Variants in DNAJB6 observed in about 807,000 individuals in gnomAD.
DNAJB6 encodes DnaJ heat shock protein family (Hsp40) member B6.
A neutral mutation model predicts 42.7 loss-of-function variants in DNAJB6; 16 were observed. The observed-to-expected ratio is 0.37, with a 90% CI of 0.25 to 0.57. The LOEUF is 0.57. Among genes scored for constraint, DNAJB6 ranks in the 20% least tolerant of loss-of-function variants. DNAJB6 has a pLI of 0.74. For missense variants in DNAJB6, 347 were observed against 416.8 expected (o/e 0.83, Z 1.46); for synonymous variants, 170 against 163.5 (o/e 1.04, Z -0.30).
chr7:157,350,888 T>C (rs1209174297), intron 1 of DNAJB6, among the ~76,000 whole-genome samples: 1 of 151,608 alleles, frequency 6.6e-6, no homozygotes, highest in East Asian at 1.9e-4. Flanking sequence ...TCTGAGATTC[T>C]GTGGTAGCAT....
At chr7:157,364,164 C>T (rs917073644) in intron 3 of DNAJB6, among the ~76,000 whole-genome samples, 1 of 151,758 alleles carries the variant, frequency 6.6e-6, no homozygotes, top group East Asian at 1.9e-4. Flanking sequence ...GAGATTGCGC[C>T]ACTGCACTCC....
Position 157,358,618 on chromosome 7 carries a change from C to G in DNAJB6, c.46C>G (p.Pro16Ala), listed in dbSNP as rs1403540742. ...TCTAGGCGTGCAGAGACATGCCTCA[C>G]CCGAGGATATTAAAAAGGCGTAAGT... ...EVLGVQRHAS[P>A]EDIKKAYRKL... The change falls in exon 2 of 10, where the codon CCC becomes GCC. Residue 16 changes from proline to alanine, a missense_variant. Physicochemically the swap from Pro to Ala is conservative, Grantham distance 27. Around this residue, in one of 3 missense-constraint regions of DNAJB6, gnomAD observed 78 missense variants for 102.1 expected, o/e 0.76. Coordinates refer to ENST00000262177, the MANE Select transcript of DNAJB6 (RefSeq NM_058246.4). 3 of 1,613,270 alleles carry G rather than the reference C, an allele frequency of 1.9e-6. No individual in the cohort carries two copies. The highest frequency in any genetic ancestry group is 2.2e-5 in the South Asian group (2 of 91,060).
chr7:157,403,105 C>T (rs148272303), intron 8 of DNAJB6, among the ~76,000 whole-genome samples: 32 of 152,304 alleles, frequency 2.1e-4, no homozygotes, highest in African/African-American at 7.0e-4. Context: ...AAAGGTGGGA[C>T]AGCTGGACGT....
intron 3 of DNAJB6, among the ~76,000 whole-genome samples, chr7:157,364,960 T>C (rs1286879438): frequency 1.3e-5 from 2 of 152,232 alleles, no homozygotes; most frequent in African/African-American, 4.8e-5. Context: ...TCTTCTACTT[T>C]TTAAAAATTG....
chr7:157,351,666 A>G (rs1367276772), intron 1 of DNAJB6, among the ~76,000 whole-genome samples: 1 of 151,058 alleles, frequency 6.6e-6, no homozygotes, highest in Non-Finnish European at 1.5e-5. Context: ...AACAACAAAA[A>G]AAACCACAAA....
chr7:157,361,427 G>A (rs1392129348), intron 2 of DNAJB6, among the ~76,000 whole-genome samples: 1 of 152,164 alleles, frequency 6.6e-6, no homozygotes, highest in Admixed American at 6.5e-5. Flanking sequence ...AAAGTGCTGA[G>A]ATTACAGGCA....
chr7:157,353,929 G>A (rs1212169848), intron 1 of DNAJB6, among the ~76,000 whole-genome samples: 1 of 152,100 alleles, frequency 6.6e-6, no homozygotes, highest in Non-Finnish European at 1.5e-5. Flanking sequence ...CTCCCAAAGT[G>A]CTGGAATTAT....
intron 1 of DNAJB6, chr7:157,339,698 C>T (rs1222274946): frequency 1.3e-5 from 2 of 150,762 alleles, no homozygotes; most frequent in East Asian, 4.0e-4. Flanking sequence ...ACCATCTTGG[C>T]TCACTGCAAC....
At chr7:157,408,761 C>T (rs763502457) in intron 8 of DNAJB6, among the ~76,000 whole-genome samples, 2 of 152,236 alleles carry the variant, frequency 1.3e-5, no homozygotes, top group Non-Finnish European at 2.9e-5. Flanking sequence ...TCTGTCAGTC[C>T]GTTGGGTTTC....
At chr7:157,395,919 G>A (rs1801562260) in intron 8 of DNAJB6, among the ~76,000 whole-genome samples, 1 of 145,356 alleles carries the variant, frequency 6.9e-6, no homozygotes, top group Admixed American at 6.9e-5. Context: ...GCCTCCCAAA[G>A]TGCTGGGATT....
intron 1 of DNAJB6, among the ~76,000 whole-genome samples, chr7:157,350,974 G>T: frequency 7.2e-6 from 1 of 139,016 alleles, no homozygotes; most frequent in African/African-American, 2.7e-5. Context: ...CGCTCTTGTT[G>T]GCCAGGCTGG....
intron 8 of DNAJB6, among the ~76,000 whole-genome samples, chr7:157,404,486 G>C (rs1460445590): frequency 2.6e-5 from 2 of 76,070 alleles, no homozygotes; most frequent in Non-Finnish European, 5.2e-5. Context: ...TTTTTTTTTT[G>C]ATAGAGATGG....
At chr7:157,361,162 T>A (rs759144006) in intron 2 of DNAJB6, among the ~76,000 whole-genome samples, 120 of 60,312 alleles carry the variant, frequency 2.0e-3, no homozygotes, top group Non-Finnish European at 3.2e-3. Context: ...CTGCTACACG[T>A]TTTTTTTTTT....
intron 1 of DNAJB6, among the ~76,000 whole-genome samples, chr7:157,357,994 C>CA (rs1047048409): frequency 1.3e-5 from 2 of 152,268 alleles, no homozygotes; most frequent in African/African-American, 4.8e-5. Context: ...GCTGTGTAGT[C>CA]AAAGGTCTTT....
intron 1 of DNAJB6, among the ~76,000 whole-genome samples, chr7:157,356,642 C>T (rs934093035): frequency 3.9e-5 from 6 of 152,168 alleles, no homozygotes; most frequent in Non-Finnish European, 8.8e-5. Flanking sequence ...CCCTTAGGCA[C>T]ATTCTCCAAT....
intron 1 of DNAJB6, among the ~76,000 whole-genome samples, chr7:157,353,684 G>C (rs1335097968): frequency 2.0e-5 from 3 of 151,718 alleles, no homozygotes; most frequent in Non-Finnish European, 4.4e-5. Flanking sequence ...ATGGGAGATA[G>C]GGTCTCGTTC....
intron 9 of DNAJB6, chr7:157,410,460 G>C (rs984728196): frequency 1.7e-5 from 4 of 237,840 alleles, no homozygotes; most frequent in Non-Finnish European, 3.2e-5. Flanking sequence ...ACCCCCTCAA[G>C]TCAAGCCTCC....
At chr7:157,388,332 C>T (rs1801177597) in intron 8 of DNAJB6, among the ~76,000 whole-genome samples, 1 of 152,186 alleles carries the variant, frequency 6.6e-6, no homozygotes, top group Non-Finnish European at 1.5e-5. Flanking sequence ...TAGGAAATGG[C>T]TGTGAGCATT....
rs1315396967 is a variant in DNAJB6, at chr7:157,367,500, G to C, written c.346+17G>C. 1 of 1,452,538 alleles carries C rather than the reference G, an allele frequency of 6.9e-7. No homozygotes were observed. Among genetic ancestry groups the C allele is most frequent in the Non-Finnish European group, 9.7e-7 (1 of 1,032,672 alleles). The allele number at this position is 1,452,538 out of a possible 1,614,324, so 90.0% of individuals were successfully genotyped here. On this transcript the variant is annotated intron_variant, in intron 5 of 9. Coordinates refer to ENST00000262177, the MANE Select transcript of DNAJB6 (RefSeq NM_058246.4). ...ACTTCTTTGGTAAGTTAATCACGTG[G>C]GTTGACTTGGTGTGTGTCCATGACC...
Sources: gnomAD v4.1 joint callset for allele counts (sites outside exome capture counted in the v4.1 genomes callset) on GRCh38, gnomAD v4.1.1 for gene constraint, gnomAD v4.1.1 regional missense constraint, MANE v1.5 for transcripts, NCBI Gene and HGNC (gene_info 2026-07-23, HGNC 2026-07-21) for gene names.